CEP128: variants seen among roughly 807,000 people sequenced by gnomAD.
CEP128 encodes the protein centrosomal protein 128, also known as centrosomal protein 128kDa.
In CEP128, 132 loss-of-function variants were observed where a neutral mutation model predicts 156.7. The observed-to-expected ratio is 0.84, with a 90% CI of 0.73 to 0.97. The LOEUF (loss-of-function observed/expected upper bound fraction) is 0.97. Among genes scored for constraint, CEP128 ranks in the 50% least tolerant of loss-of-function variants. CEP128 has a pLI of 0.00. For missense variants in CEP128, 1,252 were observed against 1,281.9 expected, an observed-to-expected ratio of 0.98 and a Z score of 0.36; for synonymous variants, 469 against 448.9, an observed-to-expected ratio of 1.04 and a Z score of -0.57.
At chr14:80,689,174 A>C (rs1319918425) in intron 19 of CEP128, among the ~76,000 whole-genome samples, 3 of 151,656 alleles carry the variant, frequency 2.0e-5, no homozygotes, top group Non-Finnish European at 4.4e-5. Flanking sequence ...AACATGGTGA[A>C]TGAAACCCTG....
intron 23 of CEP128, among the ~76,000 whole-genome samples, chr14:80,511,294 G>A (rs1888243114): frequency 6.6e-6 from 1 of 151,762 alleles, no homozygotes; most frequent in African/African-American, 2.4e-5. Context: ...CTTGTTATTG[G>A]CCTATTCAGG....
At chr14:80,707,191 T>A (rs1041862580) in intron 19 of CEP128, among the ~76,000 whole-genome samples, 1 of 152,168 alleles carries the variant, frequency 6.6e-6, no homozygotes, top group African/African-American at 2.4e-5. Flanking sequence ...TATGAGACTG[T>A]GGGTTCTATT....
At chr14:80,870,379 GAATCATTACACC>G (rs1285292745) in intron 8 of CEP128, among the ~76,000 whole-genome samples, 73 of 152,092 alleles carry the variant, frequency 4.8e-4, no homozygotes, top group African/African-American at 1.7e-3. Context: ...CACATTAAAA[GAATCATTACACC>G]AATCATTACA....
At chr14:80,537,954 C>A (rs1889561986) in intron 21 of CEP128, among the ~76,000 whole-genome samples, 1 of 152,142 alleles carries the variant, frequency 6.6e-6, no homozygotes, top group African/African-American at 2.4e-5. Context: ...CTTTGCCCTG[C>A]CCTTCTAAGC....
chr14:80,927,272 T>G (rs1297338921), intron 2 of CEP128, among the ~76,000 whole-genome samples: 8 of 152,190 alleles, frequency 5.3e-5, no homozygotes, highest in Non-Finnish European at 1.0e-4. Context: ...GAGGCACAGG[T>G]GCAGTGCTGG....
intron 23 of CEP128, among the ~76,000 whole-genome samples, chr14:80,508,112 C>T (rs545754691): frequency 5.9e-5 from 9 of 152,208 alleles, no homozygotes; most frequent in Admixed American, 3.3e-4. Flanking sequence ...GACAGGGTTT[C>T]GCCACGTTGA....
chr14:80,664,918 CA>C (rs1339409982), intron 19 of CEP128, among the ~76,000 whole-genome samples: 1 of 152,150 alleles, frequency 6.6e-6, no homozygotes, highest in Non-Finnish European at 1.5e-5. Context: ...GTAAACTTTA[CA>C]AAAAGTCAAC....
intron 19 of CEP128, among the ~76,000 whole-genome samples, chr14:80,740,655 A>G (rs1898784575): frequency 6.6e-6 from 1 of 152,218 alleles, no homozygotes; most frequent in Non-Finnish European, 1.5e-5. Context: ...CTGCAAAGGC[A>G]TTATTTTCTG....
At chr14:80,623,747 T>TA (rs1448172352) in intron 19 of CEP128, among the ~76,000 whole-genome samples, 1 of 152,048 alleles carries the variant, frequency 6.6e-6, no homozygotes, top group African/African-American at 2.4e-5. Flanking sequence ...TTTTTTAATG[T>TA]AAAAAAAGTC....
chr14:80,623,338 T>C (rs1339738330), intron 19 of CEP128, among the ~76,000 whole-genome samples: 8 of 151,204 alleles, frequency 5.3e-5, no homozygotes, highest in Non-Finnish European at 8.8e-5. Context: ...AGGGATAGCA[T>C]TGGGAGATAT....
At chr14:80,780,955 T>C (rs1475873445) in intron 15 of CEP128, among the ~76,000 whole-genome samples, 1 of 152,120 alleles carries the variant, frequency 6.6e-6, no homozygotes, top group Non-Finnish European at 1.5e-5. Flanking sequence ...AAAAGACCTA[T>C]GGAAATACAG....
intron 23 of CEP128, among the ~76,000 whole-genome samples, chr14:80,513,762 G>C (rs1888365046): frequency 6.6e-6 from 1 of 151,974 alleles, no homozygotes; most frequent in Admixed American, 6.6e-5. Context: ...TCTGACTCTG[G>C]CATAACAGTA....
chr14:80,580,605 C>T (rs1161455281), intron 19 of CEP128, among the ~76,000 whole-genome samples, 182 bp from the exon 20 acceptor site: 1 of 152,124 alleles, frequency 6.6e-6, no homozygotes, highest in African/African-American at 2.4e-5. Context: ...CATGGCAGAG[C>T]GCGGGAGCCT....
At chr14:80,764,168 A>G (rs1397222637) in intron 16 of CEP128, among the ~76,000 whole-genome samples, 2 of 152,156 alleles carry the variant, frequency 1.3e-5, no homozygotes, top group African/African-American at 4.8e-5. Flanking sequence ...TGTCAGAAAA[A>G]TCTCTATAAG....
At chr14:80,699,323 C>T (rs1237577941) in intron 19 of CEP128, among the ~76,000 whole-genome samples, 1 of 152,156 alleles carries the variant, frequency 6.6e-6, no homozygotes, top group Non-Finnish European at 1.5e-5. Flanking sequence ...ACAGTGTCTC[C>T]CATTACCGCC....
chr14:80,890,560 A>G (rs1566696660), intron 8 of CEP128, among the ~76,000 whole-genome samples: 1 of 152,084 alleles, frequency 6.6e-6, no homozygotes, highest in Non-Finnish European at 1.5e-5. Flanking sequence ...CTCACTCATA[A>G]GTAGGAGCTG....
intron 20 of CEP128, among the ~76,000 whole-genome samples, chr14:80,562,482 ACTT>A (rs1321169597): frequency 5.3e-5 from 8 of 152,056 alleles, no homozygotes; most frequent in African/African-American, 1.9e-4. Flanking sequence ...GTCTTCATGA[ACTT>A]CTTATTTGAT....
chr14:80,549,206 C>T (rs529369266), intron 21 of CEP128, among the ~76,000 whole-genome samples: 3 of 152,100 alleles, frequency 2.0e-5, no homozygotes, highest in Admixed American at 6.6e-5. Context: ...CGTTTGCCCT[C>T]GATGCGAATA....
At chr14:80,775,740 T>C (rs1027162965) in intron 16 of CEP128, among the ~76,000 whole-genome samples, 5 of 152,270 alleles carry the variant, frequency 3.3e-5, no homozygotes, top group African/African-American at 9.6e-5. Flanking sequence ...CTTCAAGTTC[T>C]GTTCTAAAGT....
Sources: gnomAD v4.1 joint callset for allele counts (sites outside exome capture counted in the v4.1 genomes callset) on GRCh38, gnomAD v4.1.1 for gene constraint, MANE v1.5 for transcripts, NCBI Gene and HGNC (gene_info 2026-07-23, HGNC 2026-07-21) for gene names.